TENM4: variants seen among roughly 807,000 people sequenced by gnomAD.
TENM4 encodes teneurin-4.
A neutral mutation model predicts 243.3 loss-of-function variants in TENM4; 82 were observed. That is an observed-to-expected ratio of 0.34 (90% CI 0.28 to 0.40). The LOEUF (loss-of-function observed/expected upper bound fraction) is 0.40, where lower values mean the gene tolerates loss of function less well. Ranked by LOEUF, TENM4 falls within the 10% of genes least tolerant of loss-of-function variation. The pLI, the probability that TENM4 is intolerant of heterozygous loss-of-function variation, is 1.00. For missense variants in TENM4, 3,138 were observed against 3,673.3 expected (o/e 0.85, Z 3.77); for synonymous variants, 1,412 against 1,456.3 (o/e 0.97, Z 0.69).
At chr11:79,122,586 G>A (rs1861765535) in intron 4 of TENM4, among the ~76,000 whole-genome samples, 1 of 152,108 alleles carries the variant, frequency 6.6e-6, no homozygotes, top group Non-Finnish European at 1.5e-5. Context: ...ACTGGATATG[G>A]GGTCATGACA....
chr11:79,112,912 G>A (rs192967651), intron 4 of TENM4, among the ~76,000 whole-genome samples: 15 of 152,172 alleles, frequency 9.9e-5, no homozygotes, highest in East Asian at 3.9e-4. Context: ...CCAACAAGCC[G>A]TTCATATTGA....
chr11:79,218,175 C>T (rs1301863169), intron 2 of TENM4, among the ~76,000 whole-genome samples: 1 of 152,034 alleles, frequency 6.6e-6, no homozygotes, highest in Non-Finnish European at 1.5e-5. Flanking sequence ...GCAATAATGG[C>T]TATTACATCT....
chr11:79,085,027 C>A (rs1860771527), intron 4 of TENM4, among the ~76,000 whole-genome samples: 1 of 152,042 alleles, frequency 6.6e-6, no homozygotes, highest in African/African-American at 2.4e-5. Context: ...CTTGTTATTT[C>A]TTATAATTGC....
At chr11:79,054,064 A>G (rs886558703) in intron 6 of TENM4, among the ~76,000 whole-genome samples, 6 of 152,048 alleles carry the variant, frequency 3.9e-5, no homozygotes, top group Non-Finnish European at 8.8e-5. Flanking sequence ...GGGTGCGTGA[A>G]CCCAGCTTAT....
chr11:78,913,487 T>C (rs567976070), intron 6 of TENM4, among the ~76,000 whole-genome samples: 3 of 152,216 alleles, frequency 2.0e-5, no homozygotes, highest in South Asian at 2.1e-4. Context: ...CTTCCTTCCA[T>C]TGCCACCTTC....
intron 18 of TENM4, among the ~76,000 whole-genome samples, chr11:78,761,858 G>T (rs1434389985): frequency 1.3e-5 from 2 of 152,082 alleles, no homozygotes; most frequent in African/African-American, 4.8e-5. Flanking sequence ...CTGTGGATGT[G>T]CCCTGTCTGC....
At chr11:79,136,897 G>T (rs1026881076) in intron 4 of TENM4, among the ~76,000 whole-genome samples, 3 of 152,160 alleles carry the variant, frequency 2.0e-5, no homozygotes, top group African/African-American at 4.8e-5. Context: ...GCCTTTTGAA[G>T]TCACAGTTAC....
intron 6 of TENM4, among the ~76,000 whole-genome samples, chr11:79,043,323 A>G (rs1859583988): frequency 1.3e-5 from 2 of 152,172 alleles, no homozygotes; most frequent in Middle Eastern, 3.4e-3. Context: ...CTTCTGGTGC[A>G]TGGAAGGTGC....
intron 1 of TENM4, among the ~76,000 whole-genome samples, chr11:79,424,003 A>G (rs1335181136): frequency 6.6e-6 from 1 of 152,188 alleles, no homozygotes; most frequent in Non-Finnish European, 1.5e-5. Flanking sequence ...TAGAAGCTTG[A>G]TTAATGCTAT....
chr11:79,329,026 C>G (rs1473786274), intron 1 of TENM4, among the ~76,000 whole-genome samples: 1 of 152,238 alleles, frequency 6.6e-6, no homozygotes, highest in African/African-American at 2.4e-5. Flanking sequence ...CCCAACTGAC[C>G]TGTCCCAGTG....
intron 3 of TENM4, among the ~76,000 whole-genome samples, chr11:79,215,353 G>T (rs541051709): frequency 6.6e-6 from 1 of 151,996 alleles, no homozygotes; most frequent in South Asian, 2.1e-4. Context: ...TCACCTCCCC[G>T]TATCCTATTC....
chr11:78,818,615 G>T (rs939559754), intron 12 of TENM4, among the ~76,000 whole-genome samples: 1 of 152,118 alleles, frequency 6.6e-6, no homozygotes, highest in African/African-American at 2.4e-5. Context: ...GTTCAGTTAG[G>T]ATCCCACAAA....
chr11:79,054,003 T>A (rs1377065178), intron 6 of TENM4, among the ~76,000 whole-genome samples: 1 of 152,214 alleles, frequency 6.6e-6, no homozygotes, highest in Non-Finnish European at 1.5e-5. Flanking sequence ...CATTGCTATC[T>A]GCTCTGGGTT....
chr11:79,288,828 G>T (rs1029188186), intron 2 of TENM4, among the ~76,000 whole-genome samples: 1 of 152,108 alleles, frequency 6.6e-6, no homozygotes, highest in East Asian at 1.9e-4. Flanking sequence ...GATGTCTAAG[G>T]TGGGCTGCTG....
chr11:79,212,872 C>T (rs561111633), intron 3 of TENM4, among the ~76,000 whole-genome samples: 1 of 152,186 alleles, frequency 6.6e-6, no homozygotes, highest in East Asian at 1.9e-4. Flanking sequence ...CAACAAGTCT[C>T]CGCCTCCTGA....
intron 24 of TENM4, among the ~76,000 whole-genome samples, chr11:78,721,898 C>T (rs1424427308): frequency 6.6e-6 from 1 of 152,130 alleles, no homozygotes; most frequent in African/African-American, 2.4e-5. Flanking sequence ...CACCCTATGA[C>T]AGTGCCCTGG....
At chr11:79,239,128 A>T (rs890570303) in intron 2 of TENM4, among the ~76,000 whole-genome samples, 1 of 152,228 alleles carries the variant, frequency 6.6e-6, no homozygotes, top group Admixed American at 6.5e-5. Context: ...CCATCAAGTC[A>T]CAGGTGAAAC....
chr11:79,034,609 T>A (rs1859330487), intron 6 of TENM4, among the ~76,000 whole-genome samples: 1 of 152,150 alleles, frequency 6.6e-6, no homozygotes, highest in African/African-American at 2.4e-5. Context: ...AAATTAGGTA[T>A]CTATGGGGCC....
intron 2 of TENM4, among the ~76,000 whole-genome samples, chr11:79,294,543 C>G (rs497794): frequency 0.8 from 121,401 of 152,096 alleles, 48,760 homozygotes; most frequent in Middle Eastern, 0.91. Flanking sequence ...TGAGTAGGCT[C>G]GTTCAGTAAG....
Sources: gnomAD v4.1 joint callset for allele counts (sites outside exome capture counted in the v4.1 genomes callset) on GRCh38, gnomAD v4.1.1 for gene constraint, MANE v1.5 for transcripts, NCBI Gene and HGNC (gene_info 2026-07-23, HGNC 2026-07-21) for gene names.